CAST: variants seen among roughly 807,000 people sequenced by gnomAD.
CAST encodes the protein calpastatin.
Under a neutral mutation model 119.6 loss-of-function variants are expected in CAST, and 76 were observed. The ratio of observed to expected loss-of-function variants is 0.64; its 90% CI spans 0.53 to 0.77. The LOEUF is 0.77. CAST is among the 30% of genes least tolerant of loss of function. The pLI, the probability that CAST is intolerant of heterozygous loss-of-function variation, is 0.00. For synonymous variants in CAST, 319 were observed against 331.6 expected (o/e 0.96, Z 0.41); for missense variants, 953 against 946.5 (o/e 1.01, Z -0.09).
the CAST span, chr5:96,392,762 A>T: frequency 1.8e-6 from 1 of 561,042 alleles, no homozygotes; most frequent in Admixed American, 3.1e-5. Flanking sequence ...AGAACAAAAC[A>T]CTTCACTTGT....
chr5:96,464,039 A>T, the CAST span, among the ~76,000 whole-genome samples: 1 of 152,080 alleles, frequency 6.6e-6, no homozygotes, highest in Non-Finnish European at 1.5e-5. Context: ...GAAGTGAGGG[A>T]GAAAACAGGC....
the CAST span, among the ~76,000 whole-genome samples, chr5:96,331,317 G>C: frequency 3.3e-5 from 5 of 152,100 alleles, no homozygotes; most frequent in Admixed American, 6.5e-5. Context: ...CTTACACACA[G>C]AACTCCATGA....
the CAST span, among the ~76,000 whole-genome samples, chr5:96,212,744 C>T: frequency 2.0e-5 from 3 of 152,114 alleles, no homozygotes; most frequent in African/African-American, 7.2e-5. Flanking sequence ...GTTTTTGTTT[C>T]AGATATTTCA....
the CAST span, among the ~76,000 whole-genome samples, chr5:96,039,165 GTCT>G: frequency 6.6e-6 from 1 of 152,086 alleles, no homozygotes; most frequent in South Asian, 2.1e-4. Context: ...CTGCATAAAT[GTCT>G]TCTTTTGCGA....
the CAST span, chr5:96,318,325 G>C: frequency 6.6e-6 from 1 of 152,350 alleles, no homozygotes; most frequent in Admixed American, 6.5e-5. Context: ...AGCCTGGTAT[G>C]TTTAACCGAA....
intron 1 of CAST, among the ~76,000 whole-genome samples, chr5:96,566,074 A>T (rs1364353264): frequency 6.6e-6 from 1 of 152,172 alleles, no homozygotes; most frequent in Non-Finnish European, 1.5e-5. Context: ...GAAAAAGAAC[A>T]GTTGCACTAT....
In CAST at chr5:96,561,816, G is replaced by A. The variant is rs1398241601; in HGVS notation, c.60+31936G>A. Among the ~76,000 whole-genome samples, 12 of 8,040 alleles carry A rather than the reference G, an allele frequency of 1.5e-3. 1 individual carries two copies. In the East Asian group the frequency reaches 0.31, roughly 206 times the overall value. 5.3% of individuals were successfully genotyped at this position (8,040 alleles called of 152,430 possible). On this transcript the variant is annotated intron_variant, in intron 1 of 11. Transcript: ENST00000505143. Reference sequence around the variant, plus strand: ...TTTTTGTTTTTTTTTTTTTTGAGACGGAGTCTCGCTCTGTCGCCCAGGCTG... The same window carrying A: ...TTTTTGTTTTTTTTTTTTTTGAGACAGAGTCTCGCTCTGTCGCCCAGGCTG...
intron 1 of CAST, among the ~76,000 whole-genome samples, chr5:96,538,213 C>T (rs1745853115): frequency 6.6e-6 from 1 of 152,202 alleles, no homozygotes; most frequent in South Asian, 2.1e-4. Flanking sequence ...TTATCAAGAG[C>T]AGTGTCAAGT....
chr5:96,768,449 A>T, intron 29 of CAST: 1 of 450,970 alleles, frequency 2.2e-6, no homozygotes, highest in Non-Finnish European at 4.4e-6. Flanking sequence ...TGAAGAAAAG[A>T]AAAAATGCCT....
the CAST span, among the ~76,000 whole-genome samples, chr5:96,307,235 G>A: frequency 6.6e-6 from 1 of 152,204 alleles, no homozygotes; most frequent in South Asian, 2.1e-4. Context: ...GATCTTTGTT[G>A]GTTTAAATTC....
At chr5:96,291,803 C>A in the CAST span, among the ~76,000 whole-genome samples, 1 of 150,826 alleles carries the variant, frequency 6.6e-6, no homozygotes, top group Non-Finnish European at 1.5e-5. Flanking sequence ...CTTCCAAAGT[C>A]TCTGCTATTA....
At chr5:96,392,995 C>T in the CAST span, 1 of 1,614,054 alleles carries the variant, frequency 6.2e-7, no homozygotes, top group Non-Finnish European at 8.5e-7. Flanking sequence ...GGACCACACA[C>T]TTATTTTAAT....
chr5:96,665,751 C>T (rs1235518634), intron 1 of CAST, among the ~76,000 whole-genome samples: 2 of 139,922 alleles, frequency 1.4e-5, no homozygotes, highest in South Asian at 2.1e-4. Context: ...CATACACACA[C>T]ACACACACAT....
the CAST span, chr5:96,413,017 C>T: frequency 5.3e-6 from 5 of 942,212 alleles, no homozygotes; most frequent in Non-Finnish European, 6.3e-6. Context: ...CACACAAGGA[C>T]TCTGGACAGG....
At chr5:96,560,502 A>T (rs1466201478) in intron 1 of CAST, among the ~76,000 whole-genome samples, 1 of 152,186 alleles carries the variant, frequency 6.6e-6, no homozygotes, top group Non-Finnish European at 1.5e-5. Flanking sequence ...ACTCAAACAA[A>T]TTTACAAGAA....
intron 4 of CAST, among the ~76,000 whole-genome samples, chr5:96,724,193 T>TA (rs1561526044): frequency 2.6e-5 from 4 of 152,110 alleles, no homozygotes; most frequent in Non-Finnish European, 5.9e-5. Context: ...AATCTTTTTT[T>TA]TTCCTTGAGG....
chr5:95,982,830 G>A, the CAST span, among the ~76,000 whole-genome samples: 1 of 152,126 alleles, frequency 6.6e-6, no homozygotes, highest in Non-Finnish European at 1.5e-5. Flanking sequence ...TACATTAGTA[G>A]TAGGATTACT....
chr5:96,115,763 A>G, the CAST span, among the ~76,000 whole-genome samples: 1 of 152,222 alleles, frequency 6.6e-6, no homozygotes, highest in African/African-American at 2.4e-5. Flanking sequence ...ACCTAAAACA[A>G]TATCAAAACA....
the CAST span, among the ~76,000 whole-genome samples, chr5:96,329,314 T>C: frequency 6.6e-6 from 1 of 152,260 alleles, no homozygotes; most frequent in African/African-American, 2.4e-5. Context: ...ATATTACTTC[T>C]CTTAATATTT....
Sources: allele counts gnomAD v4.1 joint callset (sites outside exome capture counted in the v4.1 genomes callset), GRCh38; gene constraint gnomAD v4.1.1; transcripts MANE v1.5; gene names NCBI Gene and HGNC (gene_info 2026-07-23, HGNC 2026-07-21).